The following PLXNC1 variants were observed in gnomAD, a reference collection of about 807,000 sequenced individuals.
PLXNC1 encodes the protein plexin C1.
In PLXNC1, 75 loss-of-function variants were observed where a neutral mutation model predicts 178.2. The observed-to-expected ratio is 0.42, with a 90% CI of 0.35 to 0.51. PLXNC1 has a LOEUF of 0.51. Ranked by LOEUF, PLXNC1 falls within the 20% of genes least tolerant of loss-of-function variation. PLXNC1 has a pLI of 0.02. For missense variants in PLXNC1, 1,503 were observed against 1,984.4 expected (o/e 0.76, Z 4.61); for synonymous variants, 790 against 779.9 (o/e 1.01, Z -0.22).
chr12:94,249,938 T>TG (rs1366591413), intron 14 of PLXNC1, among the ~76,000 whole-genome samples: 1,512 of 18,272 alleles, frequency 0.083, 30 homozygotes, highest in African/African-American at 0.21. Flanking sequence ...TGTGGGGGGG[T>TG]GGGGGGGTGG....
At position 94,148,859 on chromosome 12, in the gene PLXNC1, G is replaced by A; in HGVS notation, c.-113G>A. 1 of 174,698 alleles carries A rather than the reference G, an allele frequency of 5.7e-6. No homozygotes were observed. The highest frequency in any genetic ancestry group is 1.6e-4 in the South Asian group (1 of 6,120). The allele number at this position is 174,698 out of a possible 1,614,324, so 10.8% of individuals were successfully genotyped here. A position where few individuals can be genotyped will look rare whatever the true frequency, so the allele number is the denominator to read the frequency against. On this transcript the variant is annotated 5_prime_UTR_variant, in exon 1 of 31. Coordinates refer to ENST00000258526, the MANE Select transcript of PLXNC1 (RefSeq NM_005761.3). The surrounding 1 kb of genome is among the most constrained non-coding windows in gnomAD (Gnocchi z 4.8). ...GAGCTGCGGGGATGGGGCGGCCGCG[G>A]GAGCCCGAGCGCGCGCAGGAACCGC...
chr12:94,247,716 G>A (rs1964567612), intron 12 of PLXNC1, among the ~76,000 whole-genome samples, 187 bp from the exon 13 acceptor site: 5 of 152,086 alleles, frequency 3.3e-5, no homozygotes, highest in Admixed American at 2.0e-4. Context: ...CTCAGTTAAC[G>A]TAGCCCTCAT....
intron 15 of PLXNC1, among the ~76,000 whole-genome samples, chr12:94,253,729 A>G (rs2136072163): frequency 6.6e-6 from 1 of 151,192 alleles, no homozygotes; most frequent in South Asian, 2.1e-4. Flanking sequence ...GGCTGAGTGC[A>G]GTGGCACGAT....
chr12:94,169,938 G>C (rs1039977460), intron 2 of PLXNC1, among the ~76,000 whole-genome samples: 5 of 152,190 alleles, frequency 3.3e-5, no homozygotes, highest in Non-Finnish European at 7.4e-5. Flanking sequence ...GGGAGGAGGA[G>C]AAAATAAAAT....
At chr12:94,259,782 G>A in intron 19 of PLXNC1, 48 bp downstream of exon 19, 1 of 1,529,760 alleles carries the variant, frequency 6.5e-7, no homozygotes, top group Non-Finnish European at 8.8e-7. Flanking sequence ...GAAAAAATCA[G>A]GCCGGGCATG....
At chr12:94,303,274 G>A (rs1968653370) in intron 28 of PLXNC1, among the ~76,000 whole-genome samples, 1 of 152,074 alleles carries the variant, frequency 6.6e-6, no homozygotes, top group African/African-American at 2.4e-5. Context: ...GGGACAAGCT[G>A]GAAAATCTGC....
intron 2 of PLXNC1, among the ~76,000 whole-genome samples, chr12:94,177,170 TATATAC>T (rs1962100085): frequency 1.7e-5 from 1 of 59,908 alleles, no homozygotes; most frequent in South Asian, 4.3e-4. Context: ...TGTATATATA[TATATAC>T]GTATATATAT....
rs1310271251 is a variant in PLXNC1, at chr12:94,303,832, C to T, written c.4463C>T (p.Ala1488Val). 2 of 1,606,220 alleles carry T rather than the reference C, an allele frequency of 1.2e-6. No homozygotes were observed. The highest frequency in any genetic ancestry group is 2.2e-5 in the East Asian group (1 of 44,496). ...YKEEVKSYYK[A>V]IRDLPPLSSS... is the part of the protein sequence containing the mutation. ...GAAGAAGTAAAATCTTATTACAAAG[C>T]AATCAGGGATTTGCCTCCATTGTCA... The change falls in exon 29 of 31, where the codon GCA becomes GTA. Residue 1488 changes from alanine to valine, a missense_variant. This residue lies in a region of PLXNC1 where 639 missense variants were observed against 979.7 expected (regional missense o/e 0.65). Transcript: ENST00000258526.
chr12:94,296,289 T>C (rs1302709183), intron 24 of PLXNC1, among the ~76,000 whole-genome samples: 1 of 152,142 alleles, frequency 6.6e-6, no homozygotes, highest in Admixed American at 6.5e-5. Context: ...GCCTCCCAAG[T>C]AGCTGGGATT....
In PLXNC1 at chr12:94,303,854, G is replaced by T. The variant is rs1459370881; in HGVS notation, c.4485G>T (p.Leu1495Phe). The T allele has an allele frequency of 6.2e-7, 1 of 1,607,376 alleles. No individual in the cohort carries two copies. The highest frequency in any genetic ancestry group is 8.5e-7 in the Non-Finnish European group (1 of 1,176,722). ...YYKAIRDLPP[L>F]SSSEMEEFLT... is the part of the protein sequence containing the mutation. The stretch of plus-strand genomic sequence containing the variant: ...AAGCAATCAGGGATTTGCCTCCATT[G>T]TCATCCTCAGAAATGGAAGAATTTT... The change falls in exon 29 of 31, where the codon TTG (leucine) becomes TTT (phenylalanine). Residue 1495 changes from leucine (L) to phenylalanine (F), a missense_variant. Physicochemically the swap from Leu to Phe is conservative, Grantham distance 22 (BLOSUM62 0). Transcript: ENST00000258526.
chr12:94,212,702 A>G lies in PLXNC1; in HGVS notation c.1554+2998A>G, dbSNP rs1165459139. Among the ~76,000 whole-genome samples the G allele has an allele frequency of 2.1e-5, 3 of 145,446 alleles. No individual in the cohort carries two copies. The East Asian group carries it at 6.0e-4, about 29-fold the overall frequency. ...GTATTCCATGGTGTATAGGTGCCAC[A>G]TTTTCTTTTCTTTTCTTTTCTTTTT... On this transcript the variant is annotated intron_variant, in intron 5 of 30. Transcript: ENST00000258526.
intron 3 of PLXNC1, chr12:94,185,836 G>A (rs1409747957): frequency 6.5e-6 from 1 of 153,110 alleles, no homozygotes; most frequent in Non-Finnish European, 1.5e-5. Flanking sequence ...AAATGCCATT[G>A]GCCACATATG....
chr12:94,159,755 G>A (rs1961308820), intron 1 of PLXNC1, among the ~76,000 whole-genome samples: 1 of 152,250 alleles, frequency 6.6e-6, no homozygotes, highest in Non-Finnish European at 1.5e-5. Context: ...GTGGGGAATG[G>A]ATGAGAGATT....
chr12:94,224,121 C>A, intron 6 of PLXNC1, 107 bp from the exon 7 acceptor site: 1 of 748,746 alleles, frequency 1.3e-6, no homozygotes, highest in South Asian at 1.4e-5. Context: ...CACGCTCCTG[C>A]CCACTATGCA....
chr12:94,179,109 A>C (rs1962206823), intron 2 of PLXNC1, among the ~76,000 whole-genome samples: 1 of 152,238 alleles, frequency 6.6e-6, no homozygotes, highest in South Asian at 2.1e-4. Flanking sequence ...GGAAAGGAGA[A>C]GTGAATGCGG....
In PLXNC1 at chr12:94,265,245, C is replaced by T; in HGVS notation, c.3597+20C>T. On this transcript the variant is annotated intron_variant, in intron 21 of 30. Transcript: ENST00000258526. The stretch of plus-strand genomic sequence containing the variant: ...ACTGTGGTATGTTTTCAATAAAGCT[C>T]CCAGCCAGACTCCCAAATAAATCTG... 2 of 1,576,142 alleles carry T rather than the reference C, an allele frequency of 1.3e-6. No individual in the cohort carries two copies. The highest frequency in any genetic ancestry group is 1.7e-6 in the Non-Finnish European group (2 of 1,152,192).
At chr12:94,278,057 C>G (rs997801869) in intron 21 of PLXNC1, 5 of 455,892 alleles carry the variant, frequency 1.1e-5, no homozygotes, top group South Asian at 4.6e-5. Flanking sequence ...GCTTTGGAGC[C>G]CCCCCTCCCT....
intron 28 of PLXNC1, among the ~76,000 whole-genome samples, chr12:94,303,460 G>A (rs1968666072): frequency 6.6e-6 from 1 of 152,106 alleles, no homozygotes; most frequent in Non-Finnish European, 1.5e-5. Flanking sequence ...CATTGTTACA[G>A]TAACTCAAAA....
chr12:94,159,430 A>G lies in PLXNC1; in HGVS notation c.1062+9397A>G, dbSNP rs1961294506. On this transcript the variant is annotated intron_variant, in intron 1 of 30. Transcript: ENST00000258526. Reference sequence around the variant, plus strand: ...AGGAGGCCGAATTGACACCAGGAAGATAAGAAAGGCCGGTTGCAGGTTTCC... The same window carrying G: ...AGGAGGCCGAATTGACACCAGGAAGGTAAGAAAGGCCGGTTGCAGGTTTCC... 2.0e-5 allele frequency among the ~76,000 whole-genome samples: 3 copies of G among 152,340 alleles called. No homozygotes were observed. In the South Asian group the frequency reaches 6.2e-4, roughly 32 times the overall value.
Sources: allele counts gnomAD v4.1 joint callset (sites outside exome capture counted in the v4.1 genomes callset), GRCh38; gene constraint gnomAD v4.1.1; regional missense constraint gnomAD v4.1.1; non-coding constraint Gnocchi (gnomAD v3.1); transcripts MANE v1.5; gene names NCBI Gene and HGNC (gene_info 2026-07-23, HGNC 2026-07-21).